Variants in SETD4 observed in about 807,000 individuals in gnomAD.
The protein encoded by SETD4 is SET domain containing 4, also known as SET domain-containing protein 4.
SETD4 carries 46 observed loss-of-function variants against 58.3 expected under a neutral mutation model. The ratio of observed to expected loss-of-function variants is 0.79; its 90% confidence interval spans 0.62 to 1.01. The LOEUF is 1.01. Among genes scored for constraint, SETD4 ranks in the 50% least tolerant of loss-of-function variants. The probability of loss-of-function intolerance (pLI) is 0.00; values close to 1 mark genes in which losing one functional copy is unlikely to be tolerated. For synonymous variants in SETD4, 190 were observed against 202.6 expected (o/e 0.94, Z 0.53); for missense variants, 490 against 523.3 (o/e 0.94, Z 0.62).
intron 6 of SETD4, among the ~76,000 whole-genome samples, chr21:36,044,636 C>A (rs915196290): frequency 4.6e-5 from 7 of 152,234 alleles, no homozygotes; most frequent in African/African-American, 1.7e-4. Context: ...ATTAAAGATA[C>A]TTCTTTCTAC....
chr21:36,053,571 A>T lies in SETD4; in HGVS notation c.207+12T>A. 6.2e-7 allele frequency: 1 copy of T among 1,614,076 alleles called. No homozygotes were observed. Among genetic ancestry groups the T allele is most frequent in the South Asian group, 1.1e-5 (1 of 91,062 alleles). ...CTACATTGGGTTTCAAGGATCAAAGAACAGTTCTCACCTGCAGGGATGTTT... is the reference window on the plus strand; with the variant it reads ...CTACATTGGGTTTCAAGGATCAAAGTACAGTTCTCACCTGCAGGGATGTTT... On this transcript the variant is annotated intron_variant, in intron 4 of 11. Coordinates refer to ENST00000332131, the MANE Select transcript of SETD4 (RefSeq NM_017438.5).
chr21:36,051,627 T>C (rs2064693110), intron 4 of SETD4, among the ~76,000 whole-genome samples: 1 of 152,208 alleles, frequency 6.6e-6, no homozygotes, highest in African/African-American at 2.4e-5. Flanking sequence ...AGTTACCCTT[T>C]TAAATTGCTA....
Position 36,058,885 on chromosome 21 carries a change from G to T in SETD4, c.4C>A (p.Gln2Lys), listed in dbSNP as rs372508339. 6.3e-7 allele frequency: 1 copy of T among 1,595,534 alleles called. No individual in the cohort carries two copies. Among genetic ancestry groups the T allele is most frequent in the Non-Finnish European group, 8.5e-7 (1 of 1,173,318 alleles). M[Q>K]KGKGRTSRIR... ...CGGCTTGTTCTCCCTTTTCCTTTCT[G>T]CATGCTAAAACTGTAGTTTCTTTTT... is the stretch of plus-strand genomic sequence containing the variant. The change falls in exon 2 of 12, where the codon CAG (glutamine) becomes AAG (lysine). Residue 2 changes from glutamine (Q) to lysine (K), a missense_variant. Gln to Lys is a moderately conservative substitution (Grantham distance 53). Coordinates refer to ENST00000332131, the MANE Select transcript of SETD4 (RefSeq NM_017438.5).
At chr21:36,041,988 A>G in intron 7 of SETD4, 100 bp from the exon 8 acceptor site, 1 of 614,440 alleles carries the variant, frequency 1.6e-6, no homozygotes, top group Admixed American at 3.1e-5. Context: ...TTAGCAACCC[A>G]GACATGCATA....
At chr21:36,042,361 A>G (rs2064105703) in intron 7 of SETD4, 1 of 152,254 alleles carries the variant, frequency 6.6e-6, no homozygotes, top group Non-Finnish European at 1.5e-5. Flanking sequence ...GAAGCAGGGT[A>G]ATAAGGGATT....
chr21:36,054,564 G>A (rs1026115649), intron 3 of SETD4, among the ~76,000 whole-genome samples: 1 of 152,014 alleles, frequency 6.6e-6, no homozygotes, highest in Non-Finnish European at 1.5e-5. Flanking sequence ...TCAGTTTCCC[G>A]CAACTTGGAT....
At chr21:36,037,212 T>C (rs943963944) in intron 10 of SETD4, among the ~76,000 whole-genome samples, 8 of 152,252 alleles carry the variant, frequency 5.3e-5, no homozygotes, top group Non-Finnish European at 1.0e-4. Flanking sequence ...TATGTGATCA[T>C]GCATATGTTA....
chr21:36,045,436 C>T (rs543660680), intron 6 of SETD4, 146 bp downstream of exon 6: 37 of 875,738 alleles, frequency 4.2e-5, no homozygotes, highest in Non-Finnish European at 6.2e-5. Flanking sequence ...CAACAGGAGC[C>T]TCCTGACGTC....
intron 1 of SETD4, chr21:36,059,169 A>G (rs2065146739): frequency 3.5e-6 from 1 of 287,570 alleles, no homozygotes; most frequent in Admixed American, 5.4e-5. Context: ...CCTCTAAAAC[A>G]GTTTTATCTT....
chr21:36,038,330 T>G lies in SETD4; in HGVS notation c.1065-57A>C, dbSNP rs2063881008. ...AGCAGGCTCTCAAAAAACAGATTTT[T>G]TTGTTTCAGTGCAACACATAAACTC... On this transcript the variant is annotated intron_variant, in intron 9 of 11. Coordinates refer to ENST00000332131, the MANE Select transcript of SETD4 (RefSeq NM_017438.5). 30 of 1,590,818 alleles carry G rather than the reference T, an allele frequency of 1.9e-5. 1 individual carries two copies. In the South Asian group the frequency reaches 3.3e-4, roughly 18 times the overall value.
At chr21:36,039,294 T>G (rs1022849230) in intron 9 of SETD4, among the ~76,000 whole-genome samples, 1 of 152,106 alleles carries the variant, frequency 6.6e-6, no homozygotes, top group Non-Finnish European at 1.5e-5. Context: ...GTGACAGAGC[T>G]AGTGAGGCAG....
chr21:36,055,216 GA>G (rs2064929155), intron 3 of SETD4, among the ~76,000 whole-genome samples: 1 of 152,146 alleles, frequency 6.6e-6, no homozygotes, highest in Admixed American at 6.5e-5. Flanking sequence ...ACATATATAT[GA>G]ACAAAAGCTG....
intron 4 of SETD4, chr21:36,050,852 T>C (rs2064641881): frequency 2.5e-6 from 4 of 1,611,016 alleles, no homozygotes; most frequent in Non-Finnish European, 3.4e-6. Context: ...TGGGAGGCCA[T>C]GTGGTTGGCA....
chr21:36,054,113 C>T lies in SETD4; in HGVS notation c.170-493G>A, dbSNP rs566492151. 7.2e-5 allele frequency among the ~76,000 whole-genome samples: 11 copies of T among 152,330 alleles called. No individual in the cohort carries two copies. In the South Asian group the frequency reaches 1.5e-3, roughly 20 times the overall value. On this transcript the variant is annotated intron_variant, in intron 3 of 11. Transcript: ENST00000332131. Reference sequence around the variant, plus strand: ...CCACAAAGCCTGCAGACATCCTCCCCTCTCTGATCAGGTAACCCATGAGAT... The same window carrying T: ...CCACAAAGCCTGCAGACATCCTCCCTTCTCTGATCAGGTAACCCATGAGAT...
At chr21:36,058,699 C>A (rs772052966) in intron 2 of SETD4, 117 bp downstream of exon 2, 129 of 1,204,476 alleles carry the variant, frequency 1.1e-4, no homozygotes, top group Non-Finnish European at 1.4e-4. Flanking sequence ...GCCTGGGTGA[C>A]AGAGCGAGAA....
chr21:36,056,849 C>T lies in SETD4; in HGVS notation c.169+260G>A, dbSNP rs578189540. Among the ~76,000 whole-genome samples, 7 of 152,274 alleles carry T rather than the reference C, an allele frequency of 4.6e-5. No individual in the cohort carries two copies. The South Asian group carries it at 8.3e-4, about 18-fold the overall frequency. ...CTGGGATTACAGATGTGAGCCACCACGCCTGGCAAAATGTTAACCTAACCT... is the reference window on the plus strand; with the variant it reads ...CTGGGATTACAGATGTGAGCCACCATGCCTGGCAAAATGTTAACCTAACCT... On this transcript the variant is annotated intron_variant, in intron 3 of 11. Coordinates refer to ENST00000332131, the MANE Select transcript of SETD4 (RefSeq NM_017438.5).
intron 4 of SETD4, among the ~76,000 whole-genome samples, chr21:36,051,672 A>T (rs2064695374): frequency 6.6e-6 from 1 of 152,236 alleles, no homozygotes; most frequent in South Asian, 2.1e-4. Flanking sequence ...TGAGGAACAA[A>T]TACTTTTTTT....
In SETD4 at chr21:36,035,973, C is replaced by T; in HGVS notation, c.*33-13G>A. 8.7e-7 allele frequency: 1 copy of T among 1,154,080 alleles called. No homozygotes were observed. Among genetic ancestry groups the T allele is most frequent in the Non-Finnish European group, 1.2e-6 (1 of 806,724 alleles). 71.5% of individuals were successfully genotyped at this position (1,154,080 alleles called of 1,614,324 possible). A position where few individuals can be genotyped will look rare whatever the true frequency, so the allele number is the denominator to read the frequency against. Reference sequence around the variant, plus strand: ...TTAACTTTTGTTTCTGTAGGAAAAGCAAAAGGAAAAGGATTAAGTTCCTAA... The same window carrying T: ...TTAACTTTTGTTTCTGTAGGAAAAGTAAAAGGAAAAGGATTAAGTTCCTAA... On this transcript the variant is annotated splice_polypyrimidine_tract_variant and intron_variant, in intron 11 of 11. Coordinates refer to ENST00000332131, the MANE Select transcript of SETD4 (RefSeq NM_017438.5).
Position 36,043,867 on chromosome 21 carries a change from G to GT in SETD4, c.815dup (p.Tyr272Ter), listed in dbSNP as rs781396721. The GT allele has an allele frequency of 2.0e-5, 33 of 1,614,190 alleles. 1 individual carries two copies. In the Admixed American group the frequency reaches 2.5e-4, roughly 12 times the overall value. The change falls in exon 7 of 12, where the codon TAC (tyrosine) becomes TAAC (stop). Residue 272 changes from tyrosine to a stop codon, truncating the protein, a stop_gained and frameshift_variant. Coordinates refer to ENST00000332131, the MANE Select transcript of SETD4 (RefSeq NM_017438.5). LOFTEE classifies it high-confidence loss of function. ...WRKHEEVFIC[Y>*]GPHDNQRLFL... ...ACAGCCGTTGATTATCGTGAGGGCC[G>GT]TAACAGATGAATACCTCTTCATGCT...
Sources: gnomAD v4.1 joint callset for allele counts (sites outside exome capture counted in the v4.1 genomes callset) on GRCh38, gnomAD v4.1.1 for gene constraint, MANE v1.5 for transcripts, NCBI Gene and HGNC (gene_info 2026-07-23, HGNC 2026-07-21) for gene names.